Variants in CDKAL1 observed in about 807,000 individuals in gnomAD.
The protein encoded by CDKAL1 is CDKAL1 threonylcarbamoyladenosine tRNA methylthiotransferase, also known as threonylcarbamoyladenosine tRNA methylthiotransferase.
A neutral mutation model predicts 68.2 loss-of-function variants in CDKAL1; 32 were observed. The observed-to-expected ratio is 0.47, with a 90% confidence interval of 0.35 to 0.63. The LOEUF (loss-of-function observed/expected upper bound fraction) is 0.63, where lower values mean the gene tolerates loss of function less well. Ranked by LOEUF, CDKAL1 falls within the 30% of genes least tolerant of loss-of-function variation. The pLI is 0.00. For missense variants in CDKAL1, 606 were observed against 696.7 expected, an observed-to-expected ratio of 0.87 and a Z score of 1.47; for synonymous variants, 234 against 244.3, an observed-to-expected ratio of 0.96 and a Z score of 0.39.
At chr6:21,093,777 A>G (rs573480808) in intron 12 of CDKAL1, among the ~76,000 whole-genome samples, 74 of 129,786 alleles carry the variant, frequency 5.7e-4, no homozygotes, top group African/African-American at 2.2e-3. Context: ...GTGCAGTGGC[A>G]CGATCATGGT....
chr6:21,011,464 A>G (rs536917581), intron 11 of CDKAL1, among the ~76,000 whole-genome samples: 8 of 152,386 alleles, frequency 5.2e-5, no homozygotes, highest in African/African-American at 1.4e-4. Context: ...ATTAATTTCA[A>G]AAGAGATTAA....
chr6:21,108,770 T>C (rs1174130212), intron 13 of CDKAL1, among the ~76,000 whole-genome samples: 2 of 152,190 alleles, frequency 1.3e-5, no homozygotes, highest in Non-Finnish European at 2.9e-5. Context: ...CCAAACACTG[T>C]ACTGGAGGAA....
At chr6:21,221,856 T>A (rs1442865215) in intron 15 of CDKAL1, among the ~76,000 whole-genome samples, 1 of 152,210 alleles carries the variant, frequency 6.6e-6, no homozygotes, top group African/African-American at 2.4e-5. Flanking sequence ...TTGAGTCAGA[T>A]GAAATGCGGG....
At chr6:21,160,518 G>C (rs548884738) in intron 13 of CDKAL1, among the ~76,000 whole-genome samples, 2 of 149,620 alleles carry the variant, frequency 1.3e-5, no homozygotes, top group Non-Finnish European at 3.0e-5. Context: ...GGCTGGTCTC[G>C]AACTTCTGAC....
At chr6:20,974,866 C>G (rs1437927836) in intron 10 of CDKAL1, among the ~76,000 whole-genome samples, 1 of 150,974 alleles carries the variant, frequency 6.6e-6, no homozygotes, top group Non-Finnish European at 1.5e-5. Context: ...GTAGTACCCC[C>G]TACTCAGGAG....
intron 12 of CDKAL1, among the ~76,000 whole-genome samples, chr6:21,083,162 G>C (rs144172537): frequency 1.3e-5 from 2 of 151,926 alleles, no homozygotes; most frequent in Admixed American, 1.3e-4. Context: ...CACCATGCCC[G>C]GTCTCATTTA....
intron 5 of CDKAL1, among the ~76,000 whole-genome samples, chr6:20,677,418 G>A (rs551647377): frequency 3.3e-5 from 5 of 151,364 alleles, no homozygotes; most frequent in South Asian, 2.1e-4. Context: ...ATTTTTCAAC[G>A]AAGGCTTTAT....
intron 2 of CDKAL1, among the ~76,000 whole-genome samples, chr6:20,545,576 G>A (rs917784470): frequency 3.3e-5 from 5 of 151,990 alleles, no homozygotes; most frequent in African/African-American, 1.2e-4. Flanking sequence ...AGCTAAAACT[G>A]CAGGTGTACA....
rs543378571 is a variant in CDKAL1 at position 20,911,443 on chromosome 6, G to A, written c.743-43976G>A. 1.2e-4 allele frequency among the ~76,000 whole-genome samples: 19 copies of A among 152,286 alleles called. No homozygotes were observed. The South Asian group carries it at 2.9e-3, about 23-fold the overall frequency. On this transcript the variant is annotated intron_variant, in intron 9 of 15. Transcript: ENST00000274695. Reference sequence around the variant, plus strand: ...TTGTTGCTCTAGAATTCTACATTTTGTTTCACACGTTAATTTTGCATATGT... The same window carrying A: ...TTGTTGCTCTAGAATTCTACATTTTATTTCACACGTTAATTTTGCATATGT...
chr6:20,887,532 T>C (rs1761129708), intron 9 of CDKAL1, among the ~76,000 whole-genome samples: 1 of 151,048 alleles, frequency 6.6e-6, no homozygotes, highest in Non-Finnish European at 1.5e-5. Context: ...TTTAACAATA[T>C]TATGCTGAGT....
intron 12 of CDKAL1, among the ~76,000 whole-genome samples, chr6:21,103,030 A>G (rs1341601497): frequency 6.6e-6 from 1 of 152,250 alleles, no homozygotes; most frequent in Non-Finnish European, 1.5e-5. Context: ...CCTTAAACAT[A>G]TCAAACCCTT....
intron 4 of CDKAL1, among the ~76,000 whole-genome samples, chr6:20,582,985 G>C (rs115175908): frequency 6.6e-6 from 1 of 151,724 alleles, no homozygotes; most frequent in Admixed American, 6.5e-5. Context: ...AGAGTAAAAA[G>C]AGGTTCTGGT....
chr6:20,631,692 A>T (rs1270771073), intron 4 of CDKAL1, among the ~76,000 whole-genome samples: 1 of 152,154 alleles, frequency 6.6e-6, no homozygotes, highest in African/African-American at 2.4e-5. Context: ...GAATAATTGG[A>T]TGAAAAAGAC....
chr6:20,818,383 G>A (rs1333499192), intron 8 of CDKAL1, among the ~76,000 whole-genome samples: 3 of 152,004 alleles, frequency 2.0e-5, no homozygotes, highest in South Asian at 2.1e-4. Context: ...ATTATAAATA[G>A]CAATCCAGCA....
chr6:20,604,216 A>G (rs74622596), intron 4 of CDKAL1, among the ~76,000 whole-genome samples: 4,801 of 152,214 alleles, frequency 0.032, 248 homozygotes, highest in African/African-American at 0.11. Context: ...TGGACCCATG[A>G]AAAGGTGGCT....
At chr6:21,209,254 T>C (rs990771723) in intron 15 of CDKAL1, among the ~76,000 whole-genome samples, 1 of 152,160 alleles carries the variant, frequency 6.6e-6, no homozygotes, top group Admixed American at 6.5e-5. Flanking sequence ...GCAGGCATTT[T>C]CCCCACCTCT....
At chr6:20,861,483 T>C (rs1759627500) in intron 9 of CDKAL1, among the ~76,000 whole-genome samples, 1 of 152,228 alleles carries the variant, frequency 6.6e-6, no homozygotes, top group African/African-American at 2.4e-5. Context: ...TGCTTATATA[T>C]TTCATAAATA....
intron 4 of CDKAL1, 27 bp from the exon 5 acceptor site, chr6:20,649,263 ACTT>A (rs1401125953): frequency 4.1e-6 from 6 of 1,449,330 alleles, no homozygotes; most frequent in African/African-American, 1.4e-5. Flanking sequence ...TGTGCTACTT[ACTT>A]CTTTTTTGTG....
At chr6:20,675,882 C>G (rs893843657) in intron 5 of CDKAL1, among the ~76,000 whole-genome samples, 9 of 152,038 alleles carry the variant, frequency 5.9e-5, no homozygotes, top group African/African-American at 2.2e-4. Flanking sequence ...GAAATCACAG[C>G]TCCAAGTGTA....
Sources: allele counts gnomAD v4.1 joint callset (sites outside exome capture counted in the v4.1 genomes callset), GRCh38; gene constraint gnomAD v4.1.1; transcripts MANE v1.5; gene names NCBI Gene and HGNC (gene_info 2026-07-23, HGNC 2026-07-21).